TMPRSS4: variants seen among roughly 807,000 people sequenced by gnomAD.
The protein encoded by TMPRSS4 is transmembrane protease serine 4.
In TMPRSS4, 45 loss-of-function variants were observed where a neutral mutation model predicts 56.4. That is an observed-to-expected ratio of 0.80 (90% CI 0.63 to 1.02). TMPRSS4 has a LOEUF of 1.02. Ranked by LOEUF, TMPRSS4 falls within the 50% of genes least tolerant of loss-of-function variation. TMPRSS4 has a pLI of 0.00. For missense variants in TMPRSS4, 546 were observed against 556.7 expected, an observed-to-expected ratio of 0.98 and a Z score of 0.19; for synonymous variants, 205 against 211.0, an observed-to-expected ratio of 0.97 and a Z score of 0.25.
chr11:118,125,169 C>T (rs1261553875), downstream of TMPRSS4: 2 of 428,136 alleles, frequency 4.7e-6, no homozygotes, highest in African/African-American at 4.0e-5. Flanking sequence ...TCTGACTTCC[C>T]CAGGGCTTCC....
At position 118,077,186 on chromosome 11, in the gene TMPRSS4, C is replaced by T; in HGVS notation, c.-117C>T. On this transcript the variant is annotated 5_prime_UTR_variant, in exon 1 of 13. Transcript: ENST00000437212. ...TCGGGCCTCCTCCAGCCAGTGCTGA[C>T]CAGGGACTTCTGACCTGCTGGCCAG... 7.3e-7 allele frequency: 1 copy of T among 1,372,196 alleles called. No individual in the cohort carries two copies. The highest frequency in any genetic ancestry group is 1.4e-5 in the African/African-American group (1 of 69,522). 85.0% of individuals were successfully genotyped at this position (1,372,196 alleles called of 1,614,324 possible).
intron 1 of TMPRSS4, among the ~76,000 whole-genome samples, chr11:118,077,650 A>AG (rs1168712945): frequency 3.3e-5 from 5 of 152,150 alleles, no homozygotes; most frequent in African/African-American, 9.7e-5. Flanking sequence ...TTTCCAAGGC[A>AG]GGGGGCTGTT....
chr11:118,102,006 A>C (rs948469), intron 3 of TMPRSS4, among the ~76,000 whole-genome samples: 141,172 of 152,124 alleles, frequency 0.93, 65,559 homozygotes, highest in Non-Finnish European at 0.94. Context: ...TTTTCTTCAA[A>C]TTTTATTCCA....
chr11:118,113,368 C>T lies in TMPRSS4; in HGVS notation c.843C>T (p.Phe281=). 1.9e-6 allele frequency: 3 copies of T among 1,614,184 alleles called. No homozygotes were observed. Among genetic ancestry groups the T allele is most frequent in the Non-Finnish European group, 2.5e-6 (3 of 1,180,036 alleles). The part of the protein sequence containing the change: ...LAVAKIIIIE[F]NPMYPKDNDI... ...TGGCCAAGATCATCATCATTGAATT[C>T]AACCCCATGTACCCCAAAGACAATG... is the stretch of plus-strand genomic sequence containing the variant. Residue 281 remains phenylalanine, a synonymous_variant, in exon 9 of 13, where the codon TTC becomes TTT. Transcript: ENST00000437212.
At position 118,119,430 on chromosome 11, in the gene TMPRSS4, A is replaced by G. The variant is rs1046234491; in HGVS notation, c.*1517A>G. ...ATCCTCCAAATATGAGCTCACAATC[A>G]AAGATCAGAGACGTTGAAAAATAAA... On this transcript the variant is annotated 3_prime_UTR_variant, in exon 13 of 13. Coordinates refer to ENST00000437212, the MANE Select transcript of TMPRSS4 (RefSeq NM_019894.4). 7.7e-6 allele frequency: 7 copies of G among 908,150 alleles called. No homozygotes were observed. The highest frequency in any genetic ancestry group is 5.4e-5 in the African/African-American group (3 of 55,836). The allele number at this position is 908,150 out of a possible 1,614,324, so 56.3% of individuals were successfully genotyped here.
At chr11:118,101,652 A>G (rs1245802497) in intron 3 of TMPRSS4, among the ~76,000 whole-genome samples, 1 of 151,814 alleles carries the variant, frequency 6.6e-6, no homozygotes, top group Non-Finnish European at 1.5e-5. Flanking sequence ...TCTTTTTTTA[A>G]TTTTTCGTAT....
intron 5 of TMPRSS4, among the ~76,000 whole-genome samples, chr11:118,105,303 C>A (rs1946934923): frequency 6.6e-6 from 1 of 152,174 alleles, no homozygotes; most frequent in African/African-American, 2.4e-5. Context: ...CTGCAAATTT[C>A]AAAAGCAGTT....
intron 2 of TMPRSS4, 171 bp downstream of exon 2, chr11:118,095,026 A>G (rs1946208645): frequency 2.8e-6 from 2 of 719,452 alleles, no homozygotes; most frequent in East Asian, 2.8e-5. Context: ...TCCAGGATTC[A>G]TTCCAGAAGT....
intron 1 of TMPRSS4, among the ~76,000 whole-genome samples, chr11:118,088,646 T>C (rs1945749746): frequency 6.6e-6 from 1 of 152,088 alleles, no homozygotes. Context: ...GCAGACTGAA[T>C]CAACAGAGAA....
intron 11 of TMPRSS4, among the ~76,000 whole-genome samples, chr11:118,116,073 C>T (rs1458404414): frequency 1.3e-5 from 2 of 152,202 alleles, no homozygotes; most frequent in African/African-American, 4.8e-5. Context: ...CTTCTTCCTC[C>T]CCCATACTTC....
Position 118,114,913 on chromosome 11 carries a change from C to T in TMPRSS4, c.995C>T (p.Thr332Met), listed in dbSNP as rs201401144. The T allele has an allele frequency of 2.0e-4, 324 of 1,602,888 alleles. No homozygotes were observed. The highest frequency in any genetic ancestry group is 8.2e-4 in the Admixed American group (48 of 58,530). Reference sequence around the variant, plus strand: ...CTCTGGATCATTGGATGGGGCTTTACGAAGCAGAATGGAGGTAAGTCCTGG... The same window carrying T: ...CTCTGGATCATTGGATGGGGCTTTATGAAGCAGAATGGAGGTAAGTCCTGG... ...TPLWIIGWGF[T>M]KQNGGKMSDI... The change falls in exon 10 of 13, where the codon ACG becomes ATG. Residue 332 changes from threonine to methionine, a missense_variant. Physicochemically the swap from Thr to Met is moderately conservative, Grantham distance 81. Coordinates refer to ENST00000437212, the MANE Select transcript of TMPRSS4 (RefSeq NM_019894.4).
rs2135407307 is a variant in TMPRSS4 at position 118,103,385 on chromosome 11, T to TTTG, written c.310+135_310+137dup. ...CTTGTTGTATAAGGTTCTTTGTTTG[T>TTTG]TTGTTTGTTGTTGTTTTGAGGCAGA... On this transcript the variant is annotated intron_variant, in intron 4 of 12. Transcript: ENST00000437212. 5 of 1,132,084 alleles carry TTTG rather than the reference T, an allele frequency of 4.4e-6. No homozygotes were observed. In the East Asian group the frequency reaches 1.0e-4, roughly 23 times the overall value. The allele number at this position is 1,132,084 out of a possible 1,614,324, so 70.1% of individuals were successfully genotyped here.
downstream of TMPRSS4, among the ~76,000 whole-genome samples, chr11:118,122,213 A>G (rs976304101): frequency 1.1e-4 from 17 of 152,240 alleles, no homozygotes; most frequent in Admixed American, 1.0e-3. Context: ...TATTAAACTC[A>G]CCAAATAATA....
intron 11 of TMPRSS4, among the ~76,000 whole-genome samples, chr11:118,116,488 G>C (rs1947556764): frequency 6.6e-6 from 1 of 152,156 alleles, no homozygotes; most frequent in South Asian, 2.1e-4. Context: ...AGCTGATAAG[G>C]ACTCCCAGAT....
intron 11 of TMPRSS4, chr11:118,115,513 T>C: frequency 1.9e-6 from 1 of 520,868 alleles, no homozygotes; most frequent in Non-Finnish European, 3.4e-6. Context: ...CAAATGTCTC[T>C]TTCACATTCG....
intron 2 of TMPRSS4, among the ~76,000 whole-genome samples, chr11:118,096,927 A>G (rs201035384): frequency 0.031 from 306 of 9,818 alleles, 43 homozygotes; most frequent in Non-Finnish European, 0.053. Context: ...GAGAAAGGAA[A>G]GAAAGAAAGA....
chr11:118,099,672 C>T (rs1946635473), intron 3 of TMPRSS4, among the ~76,000 whole-genome samples: 1 of 151,984 alleles, frequency 6.6e-6, no homozygotes, highest in South Asian at 2.1e-4. Context: ...GGCTGCCACG[C>T]CCCCTGCCCC....
At chr11:118,096,839 GA>G (rs1946322953) in intron 2 of TMPRSS4, among the ~76,000 whole-genome samples, 4 of 14,676 alleles carry the variant, frequency 2.7e-4, no homozygotes, top group Admixed American at 9.3e-4. Context: ...AAGAAAGAAG[GA>G]AAGAAGGAAA....
chr11:118,117,571 C>T (rs1171649873), intron 12 of TMPRSS4, 117 bp downstream of exon 12: 2 of 1,501,794 alleles, frequency 1.3e-6, no homozygotes, highest in African/African-American at 2.8e-5. Flanking sequence ...TCCCAAATAA[C>T]TTTCCCTCCA....
Sources: allele counts gnomAD v4.1 joint callset (sites outside exome capture counted in the v4.1 genomes callset), GRCh38; gene constraint gnomAD v4.1.1; transcripts MANE v1.5; gene names NCBI Gene and HGNC (gene_info 2026-07-23, HGNC 2026-07-21).